Variants in AP4S1 observed in about 807,000 individuals in gnomAD.
The protein encoded by AP4S1 is adaptor related protein complex 4 subunit sigma 1.
Under a neutral mutation model 19.8 loss-of-function variants are expected in AP4S1, and 23 were observed. The observed-to-expected ratio is 1.16, with a 90% CI of 0.84 to 1.65. The LOEUF is 1.65. Ranked by LOEUF, AP4S1 falls within the 40% of genes most tolerant of loss-of-function variation. The pLI is 0.00. For missense variants in AP4S1, 166 were observed against 172.8 expected (o/e 0.96, Z 0.22); for synonymous variants, 46 against 54.1 (o/e 0.85, Z 0.66).
chr14:31,081,586 A>G (rs1419261595), intron 5 of AP4S1, among the ~76,000 whole-genome samples: 4 of 152,134 alleles, frequency 2.6e-5, no homozygotes, highest in African/African-American at 9.7e-5. Flanking sequence ...TCTACCTACC[A>G]CTTGAGTCCT....
Position 31,095,838 on chromosome 14 carries a change from C to A in AP4S1, c.*2803C>A, listed in dbSNP as rs1888187945. ...GTGGCTTACGCCTATAATCCCAGCA[C>A]TTTGGGACGCCAAGGTGGGTAGATC... On this transcript the variant is annotated 3_prime_UTR_variant, in exon 6 of 6. Coordinates refer to ENST00000542754, the MANE Select transcript of AP4S1 (RefSeq NM_001128126.3). The A allele has an allele frequency of 6.6e-6, 1 of 151,978 alleles. No homozygotes were observed. Among genetic ancestry groups the A allele is most frequent in the African/African-American group, 2.4e-5 (1 of 41,372 alleles). The allele number at this position is 151,978 out of a possible 1,614,324, so 9.4% of individuals were successfully genotyped here.
chr14:31,076,736 CTTTTG>C (rs1331499024), intron 4 of AP4S1, among the ~76,000 whole-genome samples: 4 of 152,114 alleles, frequency 2.6e-5, no homozygotes, highest in African/African-American at 9.7e-5. Flanking sequence ...TGGCCTCTCA[CTTTTG>C]TTCCATTGAT....
At chr14:31,070,073 C>A in intron 3 of AP4S1, 144 bp downstream of exon 3, 1 of 717,160 alleles carries the variant, frequency 1.4e-6, no homozygotes. Context: ...CAGCTCACTG[C>A]AACCTCCACC....
chr14:31,025,996 T>C, intron 1 of AP4S1: 1 of 1,561,910 alleles, frequency 6.4e-7, no homozygotes, highest in Non-Finnish European at 8.7e-7. Flanking sequence ...CCCGGGATAG[T>C]GTACTGCTGC....
chr14:31,080,000 G>C (rs538228595), intron 4 of AP4S1, among the ~76,000 whole-genome samples: 1 of 152,108 alleles, frequency 6.6e-6, no homozygotes, highest in South Asian at 2.1e-4. Flanking sequence ...TACATACATA[G>C]GATAATACTA....
intron 1 of AP4S1, among the ~76,000 whole-genome samples, chr14:31,036,624 A>G (rs2139431705): frequency 6.6e-6 from 1 of 152,332 alleles, no homozygotes; most frequent in East Asian, 1.9e-4. Context: ...TGCAAAGGAA[A>G]TTCCACCAGG....
rs1044607593 is a variant in AP4S1 at position 31,077,797 on chromosome 14, G to A, written c.295-2776G>A. Among the ~76,000 whole-genome samples, 7 of 148,210 alleles carry A rather than the reference G, an allele frequency of 4.7e-5. No homozygotes were observed. The East Asian group carries it at 7.9e-4, about 17-fold the overall frequency. The stretch of plus-strand genomic sequence containing the variant: ...TGTCGCCAGGCTGGAGTGCAGTGGC[G>A]CGATCTCGGCTCACTGCAACCTCTG... On this transcript the variant is annotated intron_variant, in intron 4 of 5. Transcript: ENST00000542754.
At chr14:31,036,533 C>G (rs748385800) in intron 1 of AP4S1, among the ~76,000 whole-genome samples, 4 of 152,180 alleles carry the variant, frequency 2.6e-5, no homozygotes, top group Admixed American at 2.6e-4. Context: ...ATTAGCCTGA[C>G]CTAGCTATTA....
chr14:31,085,890 A>C (rs1232532069), intron 5 of AP4S1: 3 of 957,452 alleles, frequency 3.1e-6, no homozygotes, highest in Non-Finnish European at 2.5e-6. Flanking sequence ...GTGTGAAAAA[A>C]CCCTGATTCA....
chr14:31,025,282 G>T (rs113885370), upstream of AP4S1: 2 of 154,232 alleles, frequency 1.3e-5, no homozygotes, highest in African/African-American at 4.8e-5. Flanking sequence ...ATCCAAGTGA[G>T]TAAGGCAGCA....
At chr14:31,084,513 AT>A (rs1411309740) in intron 5 of AP4S1, among the ~76,000 whole-genome samples, 1 of 152,244 alleles carries the variant, frequency 6.6e-6, no homozygotes, top group Non-Finnish European at 1.5e-5. Flanking sequence ...AAAGCCTTCC[AT>A]TTAGTGGAAA....
chr14:31,089,707 G>C (rs868765370), intron 5 of AP4S1, among the ~76,000 whole-genome samples: 2 of 152,170 alleles, frequency 1.3e-5, no homozygotes, highest in African/African-American at 4.8e-5. Flanking sequence ...TTGAGGTCAG[G>C]AGTTATAGAG....
intron 4 of AP4S1, among the ~76,000 whole-genome samples, chr14:31,076,057 C>T (rs1887343791): frequency 6.6e-6 from 1 of 152,118 alleles, no homozygotes; most frequent in African/African-American, 2.4e-5. Flanking sequence ...ATTTTTTTAT[C>T]CATTCATCAG....
At chr14:31,083,397 T>A (rs2094101330) in intron 5 of AP4S1, 1 of 437,856 alleles carries the variant, frequency 2.3e-6, no homozygotes, top group Non-Finnish European at 4.5e-6. Context: ...TGGAATATTA[T>A]GTCTTTGCTC....
At chr14:31,056,032 A>G (rs1018768215) in intron 1 of AP4S1, among the ~76,000 whole-genome samples, 1 of 151,676 alleles carries the variant, frequency 6.6e-6, no homozygotes, top group African/African-American at 2.4e-5. Context: ...TTTAGTAGAG[A>G]TGAAGTTTCA....
chr14:31,053,098 G>A (rs1277573684), intron 1 of AP4S1, among the ~76,000 whole-genome samples: 1 of 151,772 alleles, frequency 6.6e-6, no homozygotes, highest in Non-Finnish European at 1.5e-5. Flanking sequence ...CCACCACCAT[G>A]CCCAGCTAAT....
At chr14:31,049,022 G>T (rs979628124) in intron 1 of AP4S1, among the ~76,000 whole-genome samples, 1 of 151,954 alleles carries the variant, frequency 6.6e-6, no homozygotes, top group Non-Finnish European at 1.5e-5. Context: ...GGGAGGCAGG[G>T]CAGATCACCC....
intron 1 of AP4S1, among the ~76,000 whole-genome samples, chr14:31,065,307 G>A (rs575618579): frequency 5.9e-5 from 9 of 152,160 alleles, no homozygotes; most frequent in Non-Finnish European, 8.8e-5. Context: ...CATTCTTCAC[G>A]ACCTCACATC....
chr14:31,062,427 G>A (rs1886491215), intron 1 of AP4S1, among the ~76,000 whole-genome samples: 1 of 152,058 alleles, frequency 6.6e-6, no homozygotes, highest in Non-Finnish European at 1.5e-5. Flanking sequence ...AGGACCTTAG[G>A]AATCACCCTC....
Sources: allele counts gnomAD v4.1 joint callset (sites outside exome capture counted in the v4.1 genomes callset), GRCh38; gene constraint gnomAD v4.1.1; transcripts MANE v1.5; gene names NCBI Gene and HGNC (gene_info 2026-07-23, HGNC 2026-07-21).